The following BBS9 variants were observed in gnomAD, a reference collection of about 807,000 sequenced individuals.
BBS9 encodes the protein Bardet-Biedl syndrome 9, also known as protein PTHB1.
In BBS9, 89 loss-of-function variants were observed where a neutral mutation model predicts 117.7. The observed-to-expected ratio is 0.76, with a 90% CI of 0.64 to 0.90. The LOEUF (loss-of-function observed/expected upper bound fraction) is 0.90. BBS9 is among the 40% of genes least tolerant of loss of function. The probability of loss-of-function intolerance (pLI) is 0.00; values close to 1 mark genes in which losing one functional copy is unlikely to be tolerated. For missense variants in BBS9, 982 were observed against 1,042.2 expected (o/e 0.94, Z 0.80); for synonymous variants, 379 against 370.9 (o/e 1.02, Z -0.25).
At chr7:33,579,172 C>G (rs1859457462) in intron 21 of BBS9, among the ~76,000 whole-genome samples, 1 of 152,158 alleles carries the variant, frequency 6.6e-6, no homozygotes, top group African/African-American at 2.4e-5. Flanking sequence ...TTTTGAAGGG[C>G]CATCCTTTTC....
chr7:33,179,470 C>T (rs1293536393), intron 5 of BBS9, among the ~76,000 whole-genome samples: 1 of 152,134 alleles, frequency 6.6e-6, no homozygotes, highest in African/African-American at 2.4e-5. Flanking sequence ...GCATGAGATT[C>T]TCATAGGAGC....
intron 21 of BBS9, among the ~76,000 whole-genome samples, chr7:33,618,973 A>G (rs961684947): frequency 6.6e-6 from 1 of 152,138 alleles, no homozygotes; most frequent in African/African-American, 2.4e-5. Flanking sequence ...GTACTACAAA[A>G]CAATTAGAAA....
intron 21 of BBS9, among the ~76,000 whole-genome samples, chr7:33,561,080 T>C (rs888233530): frequency 6.6e-6 from 1 of 152,198 alleles, no homozygotes; most frequent in Non-Finnish European, 1.5e-5. Context: ...GCAACAACTA[T>C]TAGGGACTAT....
chr7:33,596,188 TA>T (rs10547679), intron 21 of BBS9, among the ~76,000 whole-genome samples: 35 of 121,892 alleles, frequency 2.9e-4, no homozygotes, highest in African/African-American at 4.8e-4. Flanking sequence ...TAAAGTAAAA[TA>T]AAAAAAAAAA....
At chr7:33,478,123 C>A (rs903815735) in intron 19 of BBS9, among the ~76,000 whole-genome samples, 3 of 151,888 alleles carry the variant, frequency 2.0e-5, no homozygotes, top group Non-Finnish European at 4.4e-5. Flanking sequence ...TGGTTGTGGG[C>A]CATTAAATAT....
intron 19 of BBS9, among the ~76,000 whole-genome samples, chr7:33,444,236 C>A (rs1036820014): frequency 6.6e-6 from 1 of 152,184 alleles, no homozygotes; most frequent in Admixed American, 6.5e-5. Flanking sequence ...CATTCTGCAT[C>A]TTGATACCTC....
chr7:33,311,817 A>C (rs1403941200), intron 9 of BBS9, among the ~76,000 whole-genome samples: 1 of 66,764 alleles, frequency 1.5e-5, no homozygotes, highest in Non-Finnish European at 3.2e-5. Flanking sequence ...ACTCCATCTC[A>C]AAAAAAAAAA....
intron 17 of BBS9, among the ~76,000 whole-genome samples, chr7:33,369,872 A>G (rs561281932): frequency 6.6e-6 from 1 of 152,326 alleles, no homozygotes; most frequent in African/African-American, 2.4e-5. Context: ...AAATCCTACA[A>G]ATGAAAGAAC....
chr7:33,568,817 T>C (rs748273624), intron 21 of BBS9, among the ~76,000 whole-genome samples: 2 of 152,214 alleles, frequency 1.3e-5, no homozygotes, highest in Non-Finnish European at 2.9e-5. Flanking sequence ...TATATGTGTA[T>C]GTATTTATTT....
intron 7 of BBS9, among the ~76,000 whole-genome samples, chr7:33,267,844 C>T (rs192149105): frequency 1.3e-5 from 2 of 152,248 alleles, no homozygotes; most frequent in Admixed American, 1.3e-4. Flanking sequence ...CATCTGGTTT[C>T]ATTTTCCTTC....
chr7:33,626,815 A>G (rs910661356), intron 21 of BBS9, among the ~76,000 whole-genome samples: 1 of 152,242 alleles, frequency 6.6e-6, no homozygotes, highest in African/African-American at 2.4e-5. Context: ...GGCTGCTTCT[A>G]ACAGTATATG....
intron 21 of BBS9, among the ~76,000 whole-genome samples, chr7:33,622,314 G>T (rs1865450690): frequency 1.3e-5 from 2 of 152,258 alleles, no homozygotes; most frequent in Admixed American, 1.3e-4. Flanking sequence ...TAGAATGGTG[G>T]CTCTCAGGTT....
At chr7:33,279,080 C>T (rs749349004) in intron 9 of BBS9, among the ~76,000 whole-genome samples, 1 of 152,172 alleles carries the variant, frequency 6.6e-6, no homozygotes, top group Non-Finnish European at 1.5e-5. Context: ...CTCTATTGCT[C>T]AGGCTGGAAT....
intron 17 of BBS9, among the ~76,000 whole-genome samples, chr7:33,372,827 T>A (rs1290525263): frequency 1.3e-5 from 2 of 152,198 alleles, no homozygotes; most frequent in East Asian, 3.8e-4. Flanking sequence ...TGATTCAATC[T>A]TCTTACTCGT....
At chr7:33,245,769 A>G (rs540570511) in intron 5 of BBS9, among the ~76,000 whole-genome samples, 3 of 152,132 alleles carry the variant, frequency 2.0e-5, no homozygotes, top group South Asian at 2.1e-4. Context: ...GCACTAACAT[A>G]TAAGAGACTG....
At chr7:33,565,809 A>G (rs191177035) in intron 21 of BBS9, among the ~76,000 whole-genome samples, 4,711 of 49,434 alleles carry the variant, frequency 0.095, 223 homozygotes, top group Admixed American at 0.18. Context: ...ATATATATAT[A>G]TATATATATA....
chr7:33,626,911 G>A (rs1421523669), intron 21 of BBS9, among the ~76,000 whole-genome samples: 2 of 152,220 alleles, frequency 1.3e-5, no homozygotes, highest in Non-Finnish European at 2.9e-5. Flanking sequence ...AAAATTTGCA[G>A]CCTGACCATG....
At chr7:33,498,684 T>A (rs1845059220) in intron 19 of BBS9, among the ~76,000 whole-genome samples, 1 of 152,222 alleles carries the variant, frequency 6.6e-6, no homozygotes, top group Admixed American at 6.5e-5. Context: ...GTAGCGTGTA[T>A]AAGTACTTGG....
chr7:33,298,422 T>C (rs189517451), intron 9 of BBS9, among the ~76,000 whole-genome samples: 1 of 152,286 alleles, frequency 6.6e-6, no homozygotes, highest in South Asian at 2.1e-4. Context: ...GCCTGGCACA[T>C]GACATTATGT....
Sources: allele counts gnomAD v4.1 joint callset (sites outside exome capture counted in the v4.1 genomes callset), GRCh38; gene constraint gnomAD v4.1.1; transcripts MANE v1.5; gene names NCBI Gene and HGNC (gene_info 2026-07-23, HGNC 2026-07-21).